Variants in FHL2 observed in about 807,000 individuals in gnomAD.
FHL2 encodes four and a half LIM domains protein 2.
A neutral mutation model predicts 32.7 loss-of-function variants in FHL2; 20 were observed. The ratio of observed to expected loss-of-function variants is 0.61; its 90% CI spans 0.43 to 0.89. The LOEUF is 0.89. FHL2 is among the 40% of genes least tolerant of loss of function. FHL2 has a pLI of 0.00. For missense variants in FHL2, 311 were observed against 358.6 expected, an observed-to-expected ratio of 0.87 and a Z score of 1.07; for synonymous variants, 123 against 128.1, an observed-to-expected ratio of 0.96 and a Z score of 0.27.
At chr2:105,374,193 CAGG>C (rs970395188) in intron 3 of FHL2, 3 of 231,676 alleles carry the variant, frequency 1.3e-5, no homozygotes, top group Non-Finnish European at 2.6e-5. Flanking sequence ...GGGATGTTCA[CAGG>C]AGGCCCAAGG....
At chr2:105,393,555 G>C (rs1313726973) in intron 2 of FHL2, among the ~76,000 whole-genome samples, 2 of 152,174 alleles carry the variant, frequency 1.3e-5, no homozygotes, top group African/African-American at 4.8e-5. Flanking sequence ...TAAGCATTGG[G>C]AAGGGTGCCC....
intron 3 of FHL2, among the ~76,000 whole-genome samples, chr2:105,380,260 G>A (rs1028149625): frequency 3.9e-5 from 6 of 152,202 alleles, no homozygotes; most frequent in African/African-American, 1.4e-4. Context: ...AAAAGGCCTA[G>A]AAGCGAGATT....
chr2:105,377,035 G>T (rs989329421), intron 3 of FHL2, among the ~76,000 whole-genome samples: 4 of 152,360 alleles, frequency 2.6e-5, no homozygotes, highest in South Asian at 2.1e-4. Flanking sequence ...ATGGGAGTGA[G>T]AATGTGTTCT....
chr2:105,437,161 A>C (rs895901190), intron 1 of FHL2, among the ~76,000 whole-genome samples: 2 of 152,228 alleles, frequency 1.3e-5, no homozygotes, highest in African/African-American at 4.8e-5. Flanking sequence ...GCAACTTTTC[A>C]TGGAAGTTAT....
upstream of FHL2, chr2:105,399,091 T>A: frequency 6.7e-7 from 1 of 1,485,252 alleles, no homozygotes; most frequent in Non-Finnish European, 8.9e-7. Context: ...AACCCCGCCG[T>A]GTCATTTGAC....
chr2:105,433,717 G>A (rs1286391505), intron 1 of FHL2, among the ~76,000 whole-genome samples: 2 of 152,132 alleles, frequency 1.3e-5, no homozygotes, highest in Non-Finnish European at 2.9e-5. Context: ...ACACAACACT[G>A]CTGCACACAC....
At chr2:105,398,697 C>G in intron 1 of FHL2, 145 bp downstream of exon 1, 6 of 533,866 alleles carry the variant, frequency 1.1e-5, no homozygotes, top group Non-Finnish European at 9.0e-6. Flanking sequence ...TCCCCGTGGT[C>G]TCCCCACCCC....
intron 1 of FHL2, 195 bp from the exon 2 acceptor site, chr2:105,396,892 C>T (rs1683166692): frequency 1.7e-6 from 1 of 578,166 alleles, no homozygotes; most frequent in Middle Eastern, 3.6e-4. Context: ...GCATCTGAGT[C>T]AGAGAGCCGC....
intron 1 of FHL2, among the ~76,000 whole-genome samples, chr2:105,432,481 A>C (rs1167629594): frequency 6.6e-6 from 1 of 152,210 alleles, no homozygotes; most frequent in African/African-American, 2.4e-5. Flanking sequence ...ATCCTCTCTC[A>C]CCTGCTTTTT....
At chr2:105,429,742 A>G (rs1440000600) in intron 1 of FHL2, among the ~76,000 whole-genome samples, 2 of 152,210 alleles carry the variant, frequency 1.3e-5, no homozygotes, top group African/African-American at 4.8e-5. Context: ...CAGCAACTAT[A>G]GCTCCTTAGT....
At chr2:105,427,393 C>T in intron 1 of FHL2, among the ~76,000 whole-genome samples, 1 of 152,160 alleles carries the variant, frequency 6.6e-6, no homozygotes, top group Non-Finnish European at 1.5e-5. Flanking sequence ...CTATGAAACT[C>T]ACCCGGAGCT....
chr2:105,361,581 C>T, intron 6 of FHL2, 147 bp from the exon 7 acceptor site: 1 of 654,370 alleles, frequency 1.5e-6, no homozygotes, highest in Non-Finnish European at 2.6e-6. Context: ...TGTTGGGAAT[C>T]CATATGTAAA....
Position 105,386,376 on chromosome 2 carries a change from G to A in FHL2, c.141C>T (p.Ile47=), listed in dbSNP as rs757222173. 26 of 1,613,908 alleles carry A rather than the reference G, an allele frequency of 1.6e-5. No homozygotes were observed. The highest frequency in any genetic ancestry group is 3.3e-5 in the South Asian group (3 of 91,070). The change falls in exon 3 of 7, where the codon ATC becomes ATT. Residue 47 remains isoleucine (I), a synonymous_variant. Coordinates refer to ENST00000530340, the MANE Select transcript of FHL2 (RefSeq NM_001318895.3). ...ANTCEECGKP[I]GCDCKDLSYK... The stretch of plus-strand genomic sequence containing the variant: ...CAGCAGGTACCTTGCAGTCACAGCC[G>A]ATGGGCTTCCCACACTCCTCGCAGG...
chr2:105,379,713 C>T (rs1681740266), intron 3 of FHL2, among the ~76,000 whole-genome samples: 1 of 152,196 alleles, frequency 6.6e-6, no homozygotes, highest in African/African-American at 2.4e-5. Flanking sequence ...GCTCTGGTCC[C>T]CTCTTCCTCA....
intron 3 of FHL2, among the ~76,000 whole-genome samples, chr2:105,381,524 C>A (rs575995543): frequency 6.6e-6 from 1 of 152,058 alleles, no homozygotes; most frequent in African/African-American, 2.4e-5. Context: ...CACTGCTGAG[C>A]GCTGTGCACC....
chr2:105,405,152 C>T (rs1683588573), intron 1 of FHL2, among the ~76,000 whole-genome samples: 1 of 152,196 alleles, frequency 6.6e-6, no homozygotes, highest in Non-Finnish European at 1.5e-5. Context: ...TTTGAGATCT[C>T]TTTGTCTCTG....
intron 1 of FHL2, among the ~76,000 whole-genome samples, chr2:105,431,140 C>A (rs1322279341): frequency 6.6e-6 from 1 of 152,106 alleles, no homozygotes; most frequent in Non-Finnish European, 1.5e-5. Context: ...GAATTACAGT[C>A]AAAAAGTTTC....
intron 1 of FHL2, among the ~76,000 whole-genome samples, chr2:105,429,223 G>T (rs1684352028): frequency 6.6e-6 from 1 of 152,196 alleles, no homozygotes; most frequent in Admixed American, 6.5e-5. Context: ...GAAATCGGCT[G>T]GGAGTCAAAT....
intron 4 of FHL2, among the ~76,000 whole-genome samples, chr2:105,368,395 G>A (rs552141780): frequency 5.9e-5 from 9 of 152,216 alleles, no homozygotes; most frequent in South Asian, 4.1e-4. Context: ...GCAGTGGTGC[G>A]ATCCTGGCTC....
Sources: gnomAD v4.1 joint callset for allele counts (sites outside exome capture counted in the v4.1 genomes callset) on GRCh38, gnomAD v4.1.1 for gene constraint, MANE v1.5 for transcripts, NCBI Gene and HGNC (gene_info 2026-07-23, HGNC 2026-07-21) for gene names.